The following MVB12B variants were observed in gnomAD, a reference collection of about 807,000 sequenced individuals.
MVB12B encodes the protein multivesicular body subunit 12B.
A neutral mutation model predicts 41.6 loss-of-function variants in MVB12B; 16 were observed. The observed-to-expected ratio is 0.38, with a 90% CI of 0.26 to 0.58. The LOEUF is 0.58. Among genes scored for constraint, MVB12B ranks in the 20% least tolerant of loss-of-function variants. The pLI, the probability that MVB12B is intolerant of heterozygous loss-of-function variation, is 0.62. For missense variants in MVB12B, 274 were observed against 380.2 expected (o/e 0.72, Z 2.32); for synonymous variants, 133 against 139.7 (o/e 0.95, Z 0.34).
chr9:126,413,505 G>A (rs907132187), intron 6 of MVB12B, among the ~76,000 whole-genome samples: 1 of 152,120 alleles, frequency 6.6e-6, no homozygotes, highest in Non-Finnish European at 1.5e-5. Flanking sequence ...TCTCAAAAAG[G>A]GAAGAATAAA....
At chr9:126,327,690 G>C (rs1411447493) in intron 1 of MVB12B, among the ~76,000 whole-genome samples, 4 of 152,172 alleles carry the variant, frequency 2.6e-5, no homozygotes, top group Non-Finnish European at 5.9e-5. Flanking sequence ...AGGCACCAGG[G>C]AACGGGGTAG....
At chr9:126,330,918 C>G (rs2118783115) in intron 1 of MVB12B, among the ~76,000 whole-genome samples, 1 of 152,234 alleles carries the variant, frequency 6.6e-6, no homozygotes, top group South Asian at 2.1e-4. Context: ...CAAGGTTCAT[C>G]ATGTTGTAGC....
chr9:126,343,636 C>G (rs890890298), intron 2 of MVB12B, among the ~76,000 whole-genome samples: 1 of 152,206 alleles, frequency 6.6e-6, no homozygotes, highest in Non-Finnish European at 1.5e-5. Flanking sequence ...ATGCTTATGG[C>G]CAAGCATGGT....
In MVB12B at chr9:126,367,376, G is replaced by A. The variant is rs1022560745; in HGVS notation, c.205-13688G>A. Among the ~76,000 whole-genome samples, 6 of 152,054 alleles carry A rather than the reference G, an allele frequency of 3.9e-5. No homozygotes were observed. Among genetic ancestry groups the A allele is most frequent in the African/African-American group, 1.2e-4 (5 of 41,394 alleles). Reference sequence around the variant, plus strand: ...GGTCTGCTCTCTCTCTCTCATCCGCGTGGCCAGTGGTCCAGCCAACCCCAC... The same window carrying A: ...GGTCTGCTCTCTCTCTCTCATCCGCATGGCCAGTGGTCCAGCCAACCCCAC... On this transcript the variant is annotated intron_variant, in intron 2 of 9. Transcript: ENST00000361171. This position sits in a 1 kb window ranked among gnomAD's most constrained non-coding sequence, Gnocchi z 4.3.
Position 126,386,701 on chromosome 9 carries a change from T to G in MVB12B, c.409+43T>G. ...AGCACTCATCACAATGAGCGTTTTC[T>G]TCCTCCAGGTATATTTGTAGGTGTT... On this transcript the variant is annotated intron_variant, in intron 4 of 9. Transcript: ENST00000361171. This position sits in a 1 kb window ranked among gnomAD's most constrained non-coding sequence, Gnocchi z 4.3. 7.2e-7 allele frequency: 1 copy of G among 1,386,222 alleles called. No homozygotes were observed. Among genetic ancestry groups the G allele is most frequent in the Middle Eastern group, 1.8e-4 (1 of 5,642 alleles). The allele number at this position is 1,386,222 out of a possible 1,614,324, so 85.9% of individuals were successfully genotyped here.
In MVB12B at chr9:126,389,568, G is replaced by A. The variant is rs572556293; in HGVS notation, c.410-2498G>A. 3.3e-5 allele frequency among the ~76,000 whole-genome samples: 5 copies of A among 152,230 alleles called. No individual in the cohort carries two copies. The East Asian group carries it at 7.7e-4, about 23-fold the overall frequency. ...ATCAGTGGCTCCATCTCTTAACCCC[G>A]AGTTTGCTGCAGACGGAAGAATGGA... On this transcript the variant is annotated intron_variant, in intron 4 of 9. Transcript: ENST00000361171. This position sits in a 1 kb window ranked among gnomAD's most constrained non-coding sequence, Gnocchi z 4.4.
chr9:126,327,448 A>G (rs570266), intron 1 of MVB12B, among the ~76,000 whole-genome samples: 126,737 of 152,198 alleles, frequency 0.83, 53,190 homozygotes, highest in African/African-American at 0.91. Flanking sequence ...CTGCCCCAGG[A>G]GCATCACTGC....
intron 7 of MVB12B, among the ~76,000 whole-genome samples, chr9:126,465,495 G>A (rs1350316365): frequency 2.0e-5 from 3 of 152,154 alleles, no homozygotes; most frequent in Admixed American, 6.5e-5. Flanking sequence ...TGGGGGCACA[G>A]ACTTCATTGC....
chr9:126,366,696 C>T (rs2118910745), intron 2 of MVB12B, among the ~76,000 whole-genome samples: 1 of 152,214 alleles, frequency 6.6e-6, no homozygotes, highest in African/African-American at 2.4e-5. Flanking sequence ...CCTCTCTGAC[C>T]CCCCTTCTTG....
rs1307695513 is a variant in MVB12B at position 126,411,748 on chromosome 9, A to G, written c.663-10106A>G. Reference sequence around the variant, plus strand: ...AAAATCAATATGAAAAGAAAACCACAACTGAAAATATTTTAGAGCCTAGAG... The same window carrying G: ...AAAATCAATATGAAAAGAAAACCACGACTGAAAATATTTTAGAGCCTAGAG... On this transcript the variant is annotated intron_variant, in intron 6 of 9. Transcript: ENST00000361171. Among the ~76,000 whole-genome samples, 3 of 150,740 alleles carry G rather than the reference A, an allele frequency of 2.0e-5. No individual in the cohort carries two copies. In the South Asian group the frequency reaches 6.3e-4, roughly 32 times the overall value.
intron 2 of MVB12B, among the ~76,000 whole-genome samples, chr9:126,361,311 C>CT (rs1830023616): frequency 6.6e-6 from 1 of 152,174 alleles, no homozygotes; most frequent in South Asian, 2.1e-4. Flanking sequence ...TAATACACAA[C>CT]TTCATGTGTA....
Position 126,481,366 on chromosome 9 carries a change from C to T in MVB12B, c.758-3C>T, listed in dbSNP as rs1202291692. The T allele has an allele frequency of 4.3e-6, 7 of 1,611,700 alleles. No homozygotes were observed. The Admixed American group carries it at 8.4e-5, about 19-fold the overall frequency. ...TGCCATCTTTTTTTTTCTTCTTTTG[C>T]AGCAATGGATGGTGTGCCTTTTATG... On this transcript the variant is annotated splice_region_variant and splice_polypyrimidine_tract_variant and intron_variant, in intron 7 of 9. Coordinates refer to ENST00000361171, the MANE Select transcript of MVB12B (RefSeq NM_033446.3).
intron 9 of MVB12B, among the ~76,000 whole-genome samples, chr9:126,489,664 C>A (rs1833691700): frequency 1.3e-5 from 2 of 152,238 alleles, no homozygotes; most frequent in African/African-American, 4.8e-5. Flanking sequence ...CGCCGTCACC[C>A]TGCTGGCTCC....
chr9:126,397,365 G>A (rs1831146259), intron 6 of MVB12B: 2 of 985,444 alleles, frequency 2.0e-6, no homozygotes, highest in Non-Finnish European at 2.4e-6. Context: ...CGAGAACACC[G>A]AGCCACCGGC....
chr9:126,408,205 T>C (rs1831504218), intron 6 of MVB12B: 1 of 152,172 alleles, frequency 6.6e-6, no homozygotes, highest in South Asian at 2.1e-4. Context: ...GCCGTCGCCA[T>C]GGTTGTGCGG....
rs1834086922 is a variant in MVB12B at position 126,507,007 on chromosome 9, A to G, written c.*3744A>G. The G allele has an allele frequency of 1.3e-5, 2 of 152,648 alleles. No homozygotes were observed. The highest frequency in any genetic ancestry group is 1.3e-4 in the Admixed American group (2 of 15,292). 9.5% of individuals were successfully genotyped at this position (152,648 alleles called of 1,614,324 possible). A position where few individuals can be genotyped will look rare whatever the true frequency, so the allele number is the denominator to read the frequency against. ...GTGTGATTGTCTGTATTCTTAATAT[A>G]ATTTGTTAAATAAACGTTTGTTTTA... On this transcript the variant is annotated 3_prime_UTR_variant, in exon 10 of 10. Coordinates refer to ENST00000361171, the MANE Select transcript of MVB12B (RefSeq NM_033446.3).
chr9:126,422,020 C>T (rs1318142208), intron 7 of MVB12B, 72 bp downstream of exon 7: 4 of 1,088,586 alleles, frequency 3.7e-6, no homozygotes, highest in East Asian at 4.7e-5. Context: ...CACACGTTCT[C>T]TGTCTTCTCG....
chr9:126,425,381 C>CT (rs1036649537), intron 7 of MVB12B, among the ~76,000 whole-genome samples: 6 of 152,122 alleles, frequency 3.9e-5, no homozygotes, highest in Non-Finnish European at 7.4e-5. Flanking sequence ...GGACTTTCAT[C>CT]TTTTTTTGGC....
chr9:126,334,178 T>C (rs1340971758), intron 1 of MVB12B, among the ~76,000 whole-genome samples: 1 of 152,194 alleles, frequency 6.6e-6, no homozygotes, highest in Non-Finnish European at 1.5e-5. Flanking sequence ...TAGTCATCTG[T>C]GGACTCACTG....
Sources: gnomAD v4.1 joint callset for allele counts (sites outside exome capture counted in the v4.1 genomes callset) on GRCh38, gnomAD v4.1.1 for gene constraint, Gnocchi (gnomAD v3.1) non-coding constraint, MANE v1.5 for transcripts, NCBI Gene and HGNC (gene_info 2026-07-23, HGNC 2026-07-21) for gene names.